QDPR: variants seen among roughly 807,000 people sequenced by gnomAD.
The protein encoded by QDPR is dihydropteridine reductase.
QDPR carries 23 observed loss-of-function variants against 31.7 expected under a neutral mutation model. The ratio of observed to expected loss-of-function variants is 0.73; its 90% CI spans 0.52 to 1.03. The LOEUF is 1.03. Ranked by LOEUF, QDPR falls within the 50% of genes least tolerant of loss-of-function variation. QDPR has a pLI of 0.00. For synonymous variants in QDPR, 124 were observed against 124.7 expected (o/e 0.99, Z 0.03); for missense variants, 324 against 323.8 (o/e 1.00, Z 0.00).
intron 3 of QDPR, among the ~76,000 whole-genome samples, chr4:17,503,191 C>A (rs1019378776): frequency 2.0e-5 from 3 of 152,120 alleles, no homozygotes; most frequent in African/African-American, 2.4e-5. Context: ...TATGAAAACT[C>A]CCAAGGACTT....
intron 4 of QDPR, 72 bp from the exon 5 acceptor site, chr4:17,492,412 C>T: frequency 1.7e-6 from 2 of 1,190,888 alleles, no homozygotes; most frequent in South Asian, 1.3e-5. Context: ...GCAATCTTCT[C>T]TTGAGATCTC....
intron 2 of QDPR, among the ~76,000 whole-genome samples, chr4:17,505,871 G>A (rs1718770661): frequency 6.6e-6 from 1 of 152,138 alleles, no homozygotes; most frequent in South Asian, 2.1e-4. Flanking sequence ...TGGAGTAGTA[G>A]AAGAAGGAAG....
chr4:17,496,642 CTT>C (rs879494114), intron 4 of QDPR, among the ~76,000 whole-genome samples: 11 of 142,028 alleles, frequency 7.7e-5, no homozygotes, highest in Admixed American at 1.4e-4. Context: ...TGGTGCTTTT[CTT>C]TTTTTTTTTT....
chr4:17,498,592 GA>G (rs749406093), intron 4 of QDPR, among the ~76,000 whole-genome samples: 4 of 151,834 alleles, frequency 2.6e-5, no homozygotes, highest in Non-Finnish European at 4.4e-5. Context: ...TTATTTGCAA[GA>G]TATGAAAAAA....
intron 6 of QDPR, 23 bp downstream of exon 6, chr4:17,490,639 A>G (rs575897503): frequency 5.7e-6 from 9 of 1,584,412 alleles, no homozygotes; most frequent in East Asian, 2.2e-5. Flanking sequence ...CTGCTCAGTC[A>G]TGGACATGTC....
In QDPR at chr4:17,498,976, T is replaced by C. The variant is rs553493243; in HGVS notation, c.436+2743A>G. 5.6e-4 allele frequency among the ~76,000 whole-genome samples: 86 copies of C among 152,296 alleles called. 2 individuals carry two copies. In the South Asian group the frequency reaches 0.018, roughly 31 times the overall value. ...TATTAATAGCTTAACAAAATCTAAC[T>C]TAAGAGGTTAAAGATGAACAAATTC... On this transcript the variant is annotated intron_variant, in intron 4 of 6. Coordinates refer to ENST00000281243, the MANE Select transcript of QDPR (RefSeq NM_000320.3).
chr4:17,501,913 G>A, intron 3 of QDPR, 54 bp from the exon 4 acceptor site: 3 of 1,611,434 alleles, frequency 1.9e-6, no homozygotes, highest in South Asian at 1.1e-5. Flanking sequence ...ACCAAAAGGT[G>A]AGCTCAACTC....
At chr4:17,495,611 C>T (rs886210846) in intron 4 of QDPR, among the ~76,000 whole-genome samples, 10 of 152,160 alleles carry the variant, frequency 6.6e-5, no homozygotes, top group Admixed American at 3.3e-4. Context: ...CTCATAAACT[C>T]GAAAGGGCTC....
intron 1 of QDPR, chr4:17,509,818 CT>C: frequency 2.7e-6 from 1 of 375,572 alleles, no homozygotes; most frequent in Non-Finnish European, 5.3e-6. Context: ...ATCCCAGGCC[CT>C]CCTACCTCCA....
At chr4:17,492,593 C>G (rs1404851896) in intron 4 of QDPR, 1 of 548,532 alleles carries the variant, frequency 1.8e-6, no homozygotes, top group Non-Finnish European at 3.3e-6. Flanking sequence ...AGGCTTCACA[C>G]AGGCCACCGG....
chr4:17,511,904 C>A, intron 1 of QDPR, 46 bp downstream of exon 1: 2 of 1,584,030 alleles, frequency 1.3e-6, no homozygotes, highest in Non-Finnish European at 8.6e-7. Flanking sequence ...ACGAAAGCCC[C>A]CGGCCACCCC....
At chr4:17,489,842 A>G (rs1378028040) in intron 6 of QDPR, among the ~76,000 whole-genome samples, 1 of 152,210 alleles carries the variant, frequency 6.6e-6, no homozygotes, top group Non-Finnish European at 1.5e-5. Flanking sequence ...CTTCACAAAC[A>G]TCTCTTATAA....
intron 3 of QDPR, among the ~76,000 whole-genome samples, chr4:17,502,431 T>C (rs1162128646): frequency 6.6e-6 from 1 of 152,134 alleles, no homozygotes; most frequent in East Asian, 1.9e-4. Context: ...CACCACCAAC[T>C]GGGCAACTCG....
In QDPR at chr4:17,504,459, C is replaced by T. The variant is rs1200947456; in HGVS notation, c.215G>A (p.Gly72Glu). 6.2e-7 allele frequency: 1 copy of T among 1,614,066 alleles called. No homozygotes were observed. The highest frequency in any genetic ancestry group is 8.5e-7 in the Non-Finnish European group (1 of 1,180,018). ...CACCTTCTCTTCACCCAAGAGCTTT[C>T]CAACCTCAGCAGTCACCTTCAACAC... is the stretch of plus-strand genomic sequence containing the variant. ...EQADQVTAEVGKLLGEEKVDA... is the reference protein window; with the variant it reads ...EQADQVTAEVEKLLGEEKVDA... Residue 72 changes from glycine to glutamate, a missense_variant, in exon 3 of 7, where the codon GGA (glycine) becomes GAA (glutamate). By Grantham distance (98) the Gly-to-Glu change is moderately conservative. Coordinates refer to ENST00000281243, the MANE Select transcript of QDPR (RefSeq NM_000320.3).
intron 3 of QDPR, among the ~76,000 whole-genome samples, chr4:17,503,202 G>C (rs1718632128): frequency 6.6e-6 from 1 of 152,126 alleles, no homozygotes; most frequent in Non-Finnish European, 1.5e-5. Flanking sequence ...CCAAGGACTT[G>C]ACAAAAAGTC....
chr4:17,506,927 T>C (rs10013112), intron 2 of QDPR, among the ~76,000 whole-genome samples: 5,513 of 152,292 alleles, frequency 0.036, 352 homozygotes, highest in African/African-American at 0.12. Context: ...GTTCAAAATG[T>C]ATAGATTTAT....
intron 1 of QDPR, among the ~76,000 whole-genome samples, chr4:17,511,072 G>A (rs12498326): frequency 6.6e-6 from 1 of 151,988 alleles, no homozygotes; most frequent in South Asian, 2.1e-4. Flanking sequence ...ATAAAAATTA[G>A]ATAGTTTTTT....
In QDPR at chr4:17,486,865, A is replaced by G. The variant is rs908894896; in HGVS notation, c.*266T>C. The G allele has an allele frequency of 8.1e-6, 4 of 495,132 alleles. No homozygotes were observed. The highest frequency in any genetic ancestry group is 7.8e-5 in the African/African-American group (4 of 51,392). The allele number at this position is 495,132 out of a possible 1,614,324, so 30.7% of individuals were successfully genotyped here. ...AAAAGCGATCCAACATGACACCGCT[A>G]TAGCAGGTGCTATGCAGAGCCCTCC... is the stretch of plus-strand genomic sequence containing the variant. On this transcript the variant is annotated 3_prime_UTR_variant, in exon 7 of 7. Coordinates refer to ENST00000281243, the MANE Select transcript of QDPR (RefSeq NM_000320.3).
At chr4:17,491,468 T>A (rs1205890391) in intron 5 of QDPR, among the ~76,000 whole-genome samples, 1 of 152,210 alleles carries the variant, frequency 6.6e-6, no homozygotes, top group Non-Finnish European at 1.5e-5. Context: ...AGCAGCTGCC[T>A]CTGCCTGGGA....
Sources: allele counts gnomAD v4.1 joint callset (sites outside exome capture counted in the v4.1 genomes callset), GRCh38; gene constraint gnomAD v4.1.1; transcripts MANE v1.5; gene names NCBI Gene and HGNC (gene_info 2026-07-23, HGNC 2026-07-21).